The following DCLK1 variants were observed in gnomAD, a reference collection of about 807,000 sequenced individuals.
The protein encoded by DCLK1 is serine/threonine-protein kinase DCLK1.
DCLK1 carries 16 observed loss-of-function variants against 86.2 expected under a neutral mutation model. That is an observed-to-expected ratio of 0.19 (90% CI 0.13 to 0.28). The LOEUF is 0.28. Ranked by LOEUF, DCLK1 falls within the 10% of genes least tolerant of loss-of-function variation. DCLK1 has a pLI of 1.00. For missense variants in DCLK1, 590 were observed against 940.2 expected (o/e 0.63, Z 4.87); for synonymous variants, 369 against 370.5 (o/e 1.00, Z 0.05).
chr13:35,966,959 C>T (rs1251062625), intron 3 of DCLK1, among the ~76,000 whole-genome samples: 3 of 151,948 alleles, frequency 2.0e-5, no homozygotes, highest in African/African-American at 7.2e-5. Context: ...CTCTGCCTGG[C>T]CGCCCATCGT....
intron 3 of DCLK1, among the ~76,000 whole-genome samples, chr13:36,087,276 G>C (rs1038502358): frequency 6.6e-6 from 1 of 152,106 alleles, no homozygotes; most frequent in Non-Finnish European, 1.5e-5. Flanking sequence ...CTTTTGAGAA[G>C]TGCCCGGACA....
intron 4 of DCLK1, among the ~76,000 whole-genome samples, chr13:35,922,578 C>CA (rs959482659): frequency 1.3e-5 from 2 of 152,078 alleles, no homozygotes; most frequent in African/African-American, 4.8e-5. Flanking sequence ...CAATAGCACA[C>CA]AAAAAAAGCA....
At chr13:35,910,692 T>C (rs2153124627) in intron 4 of DCLK1, among the ~76,000 whole-genome samples, 1 of 152,286 alleles carries the variant, frequency 6.6e-6, no homozygotes, top group African/African-American at 2.4e-5. Context: ...TGGCAGCACC[T>C]TCCTGGCAAC....
At chr13:35,963,769 G>C (rs1285679486) in intron 3 of DCLK1, among the ~76,000 whole-genome samples, 2 of 152,122 alleles carry the variant, frequency 1.3e-5, no homozygotes, top group East Asian at 3.9e-4. Flanking sequence ...ATAGATGGTA[G>C]TTTTTCCTGC....
At chr13:36,042,088 G>A (rs1230240142) in intron 3 of DCLK1, among the ~76,000 whole-genome samples, 1 of 152,128 alleles carries the variant, frequency 6.6e-6, no homozygotes, top group East Asian at 1.9e-4. Flanking sequence ...CTTTGCTTCA[G>A]TGGCTCAGGT....
Position 35,944,002 on chromosome 13 carries a change from T to A in DCLK1, c.823+3356A>T, listed in dbSNP as rs932952530. 3.9e-5 allele frequency among the ~76,000 whole-genome samples: 6 copies of A among 152,088 alleles called. No homozygotes were observed. The East Asian group carries it at 5.8e-4, about 15-fold the overall frequency. On this transcript the variant is annotated intron_variant, in intron 4 of 16. Coordinates refer to ENST00000360631, the MANE Select transcript of DCLK1 (RefSeq NM_001330071.2). ...AAGATTCTACTGACTGATGACGATA[T>A]CGCTAAAATGGTTACATTCTGAACT...
chr13:35,861,176 A>G (rs1193928353), intron 5 of DCLK1, among the ~76,000 whole-genome samples: 1 of 152,206 alleles, frequency 6.6e-6, no homozygotes, highest in East Asian at 1.9e-4. Context: ...CATAGGGAGA[A>G]TGGTGACCCA....
chr13:35,789,050 A>G (rs2086666227), intron 16 of DCLK1, among the ~76,000 whole-genome samples: 1 of 152,192 alleles, frequency 6.6e-6, no homozygotes, highest in African/African-American at 2.4e-5. Flanking sequence ...GAAGTTCTCA[A>G]AGTTGTTCAT....
Position 36,015,411 on chromosome 13 carries a change from C to A in DCLK1, c.724-67954G>T, listed in dbSNP as rs141292273. Among the ~76,000 whole-genome samples the A allele has an allele frequency of 1.2e-4, 18 of 152,190 alleles. No homozygotes were observed. In the East Asian group the frequency reaches 3.1e-3, roughly 26 times the overall value. On this transcript the variant is annotated intron_variant, in intron 3 of 16. Coordinates refer to ENST00000360631, the MANE Select transcript of DCLK1 (RefSeq NM_001330071.2). ...GAATGGAAACCCTCAAATGAGCCAG[C>A]TTTTTAATTTTTTCCAATGGGGGAG...
At chr13:36,026,580 A>C (rs1469355638) in intron 3 of DCLK1, among the ~76,000 whole-genome samples, 1 of 152,248 alleles carries the variant, frequency 6.6e-6, no homozygotes, top group Non-Finnish European at 1.5e-5. Context: ...AATACATTTT[A>C]TGGTGAATTT....
intron 3 of DCLK1, among the ~76,000 whole-genome samples, chr13:36,064,411 A>AGTACTTTGG (rs1322724899): frequency 6.6e-6 from 1 of 152,196 alleles, no homozygotes; most frequent in Non-Finnish European, 1.5e-5. Context: ...CTGTAATCCC[A>AGTACTTTGG]GTACTTTGGG....
chr13:35,876,336 T>A (rs965587979), intron 4 of DCLK1, among the ~76,000 whole-genome samples: 1 of 152,006 alleles, frequency 6.6e-6, no homozygotes, highest in African/African-American at 2.4e-5. Flanking sequence ...AAGGCTTGGG[T>A]TGAATAACAA....
intron 4 of DCLK1, among the ~76,000 whole-genome samples, chr13:35,918,987 C>G (rs1875617470): frequency 6.7e-6 from 1 of 148,630 alleles, no homozygotes; most frequent in Admixed American, 6.9e-5. Context: ...ACTGCAACCT[C>G]TGCTTCCCAG....
chr13:36,014,859 C>A (rs904946557), intron 3 of DCLK1, among the ~76,000 whole-genome samples: 6 of 152,004 alleles, frequency 3.9e-5, no homozygotes, highest in Non-Finnish European at 8.8e-5. Context: ...TTGACCTTGC[C>A]CTTTCCATTA....
chr13:36,085,056 T>G lies in DCLK1; in HGVS notation c.723+26813A>C, dbSNP rs142544097. Reference sequence around the variant, plus strand: ...GTTTTAAGTATCCACTTTAGAAAATTTAGGTACTATAAATATGCCCAAGGA... The same window carrying G: ...GTTTTAAGTATCCACTTTAGAAAATGTAGGTACTATAAATATGCCCAAGGA... On this transcript the variant is annotated intron_variant, in intron 3 of 16. Transcript: ENST00000360631. 5.5e-3 allele frequency among the ~76,000 whole-genome samples: 837 copies of G among 152,274 alleles called. 4 individuals carry two copies. Among genetic ancestry groups the G allele is most frequent in the Non-Finnish European group, 8.9e-3 (602 of 68,020 alleles).
chr13:35,840,744 AGT>A lies in DCLK1; in HGVS notation c.1036-1570_1036-1569del, dbSNP rs1418647429. 2.0e-5 allele frequency among the ~76,000 whole-genome samples: 3 copies of A among 152,224 alleles called. No individual in the cohort carries two copies. The East Asian group carries it at 5.8e-4, about 29-fold the overall frequency. On this transcript the variant is annotated intron_variant, in intron 6 of 16. Transcript: ENST00000360631. ...GTCACCTTGACACAGAGTTTTTCTT[AGT>A]GTGACACTATGTACCCATAACCCAC...
At chr13:35,866,350 T>A (rs1025367570) in intron 5 of DCLK1, among the ~76,000 whole-genome samples, 1 of 152,162 alleles carries the variant, frequency 6.6e-6, no homozygotes, top group Non-Finnish European at 1.5e-5. Context: ...ACGCTCCAAT[T>A]TCTGTATAAT....
At chr13:35,807,421 GT>G (rs2087050327) in intron 14 of DCLK1, among the ~76,000 whole-genome samples, 1 of 152,228 alleles carries the variant, frequency 6.6e-6, no homozygotes, top group East Asian at 1.9e-4. Context: ...ATTATTCAAG[GT>G]TCAACTTAAA....
chr13:36,126,309 A>G (rs1463273168), intron 1 of DCLK1, among the ~76,000 whole-genome samples, 153 bp from the exon 2 acceptor site: 3 of 152,140 alleles, frequency 2.0e-5, no homozygotes, highest in African/African-American at 7.2e-5. Context: ...TACTCACTGA[A>G]GCCTCACACT....
Sources: gnomAD v4.1 joint callset for allele counts (sites outside exome capture counted in the v4.1 genomes callset) on GRCh38, gnomAD v4.1.1 for gene constraint, MANE v1.5 for transcripts, NCBI Gene and HGNC (gene_info 2026-07-23, HGNC 2026-07-21) for gene names.